Variants in SMG1 observed in about 807,000 individuals in gnomAD.
SMG1 encodes the protein SMG1 nonsense mediated mRNA decay associated PI3K related kinase.
Under a neutral mutation model 419.9 loss-of-function variants are expected in SMG1, and 22 were observed. The ratio of observed to expected loss-of-function variants is 0.05; its 90% confidence interval spans 0.04 to 0.07. The LOEUF is 0.07. SMG1 is among the 10% of genes least tolerant of loss of function. The pLI is 1.00. For synonymous variants in SMG1, 1,538 were observed against 1,553.5 expected (o/e 0.99, Z 0.23); for missense variants, 3,185 against 4,342.0 (o/e 0.73, Z 7.49).
Position 18,834,260 on chromosome 16 carries a change from G to T in SMG1, c.8509C>A (p.Pro2837Thr), listed in dbSNP as rs752705587. The stretch of plus-strand genomic sequence containing the variant: ...TGAACTGTCTCAGACGCTTCCATGG[G>T]GTTCGGGATATCTAAGTCCTGTGGC... Reference protein sequence around the residue: ...LVPQDLDIPNPMEASETVHLA... With the variant: ...LVPQDLDIPNTMEASETVHLA... The change falls in exon 50 of 63, where the codon CCC becomes ACC. Residue 2837 changes from proline (P) to threonine (T), a missense_variant. Around this residue, in one of 27 missense-constraint regions of SMG1, gnomAD observed 412 missense variants for 546.6 expected, o/e 0.75. Coordinates refer to ENST00000446231, the MANE Select transcript of SMG1 (RefSeq NM_015092.5). 6.2e-7 allele frequency: 1 copy of T among 1,610,232 alleles called. No homozygotes were observed. The highest frequency in any genetic ancestry group is 1.7e-5 in the Admixed American group (1 of 59,414).
chr16:18,863,581 T>C (rs2035323854), intron 25 of SMG1, 69 bp downstream of exon 25: 2 of 1,380,158 alleles, frequency 1.4e-6, no homozygotes, highest in East Asian at 4.6e-5. Flanking sequence ...ATTTTAATAT[T>C]TTCTTGCCAT....
intron 56 of SMG1, 96 bp from the exon 57 acceptor site, chr16:18,817,566 T>C: frequency 2.0e-6 from 2 of 1,018,298 alleles, no homozygotes; most frequent in East Asian, 2.6e-5. Context: ...CTTCCTCATT[T>C]TGAGAATTCA....
In SMG1 at chr16:18,891,994, G is replaced by T. The variant is rs557012534; in HGVS notation, c.549+224C>A. On this transcript the variant is annotated intron_variant, in intron 4 of 62. Transcript: ENST00000446231. ...CAGTGGGAGGATAGCTTGAATCCAG[G>T]AGTTTGAGACTGCAGTGAGCTATGA... Among the ~76,000 whole-genome samples, 6 of 152,276 alleles carry T rather than the reference G, an allele frequency of 3.9e-5. No individual in the cohort carries two copies. In the South Asian group the frequency reaches 1.2e-3, roughly 32 times the overall value.
chr16:18,834,489 A>G, intron 49 of SMG1, 51 bp from the exon 50 acceptor site: 1 of 1,535,434 alleles, frequency 6.5e-7, no homozygotes, highest in Non-Finnish European at 8.9e-7. Flanking sequence ...TAAACAAAAC[A>G]AGGTAACTGG....
intron 29 of SMG1, chr16:18,856,932 C>G (rs1049424225): frequency 3.3e-5 from 5 of 151,574 alleles, no homozygotes; most frequent in Non-Finnish European, 2.9e-5. Context: ...TTATATGACA[C>G]GCTCTGTGCT....
intron 1 of SMG1, among the ~76,000 whole-genome samples, chr16:18,919,106 C>A (rs2038086570): frequency 6.6e-6 from 1 of 152,094 alleles, no homozygotes; most frequent in African/African-American, 2.4e-5. Context: ...ACAGGCATAT[C>A]ACTTGAGGTC....
intron 49 of SMG1, 57 bp from the exon 50 acceptor site, chr16:18,834,495 A>G: frequency 2.6e-6 from 4 of 1,509,924 alleles, no homozygotes; most frequent in South Asian, 1.2e-5. Flanking sequence ...AAACAAGGTA[A>G]CTGGCCGGGT....
intron 60 of SMG1, among the ~76,000 whole-genome samples, chr16:18,812,615 C>CACATATATAT (rs1354777235): frequency 1.4e-5 from 1 of 73,078 alleles, no homozygotes; most frequent in African/African-American, 4.6e-5. Context: ...TATATACATA[C>CACATATATAT]ACACATATAT....
At position 18,872,443 on chromosome 16, in the gene SMG1, A is replaced by T. The variant is rs1028537513; in HGVS notation, c.2021+51T>A. The T allele has an allele frequency of 2.6e-3, 3,786 of 1,446,262 alleles. 10 individuals are homozygous for T. Among genetic ancestry groups the T allele is most frequent in the Non-Finnish European group, 3.1e-3 (3,443 of 1,104,988 alleles). The allele number at this position is 1,446,262 out of a possible 1,614,324, so 89.6% of individuals were successfully genotyped here. On this transcript the variant is annotated intron_variant, in intron 14 of 62. Coordinates refer to ENST00000446231, the MANE Select transcript of SMG1 (RefSeq NM_015092.5). Reference sequence around the variant, plus strand: ...ATACATCTTTAAAATCTATCCATTAAAAAAAAAAATGTTTTGTGGGGTTCT... The same window carrying T: ...ATACATCTTTAAAATCTATCCATTATAAAAAAAAATGTTTTGTGGGGTTCT...
At chr16:18,867,515 C>T (rs1408468527) in intron 22 of SMG1, among the ~76,000 whole-genome samples, 1 of 146,060 alleles carries the variant, frequency 6.8e-6, no homozygotes, top group East Asian at 2.0e-4. Flanking sequence ...CAAAGTGAAA[C>T]TGTGTCTCAA....
At chr16:18,914,772 T>C (rs979897478) in intron 1 of SMG1, among the ~76,000 whole-genome samples, 2 of 152,122 alleles carry the variant, frequency 1.3e-5, no homozygotes, top group African/African-American at 4.8e-5. Context: ...GGCATTCTAA[T>C]GGGATGCCAG....
intron 47 of SMG1, 23 bp downstream of exon 47, chr16:18,836,337 A>T (rs756163384): frequency 6.2e-7 from 1 of 1,608,218 alleles, no homozygotes; most frequent in East Asian, 2.2e-5. Flanking sequence ...TCACATGTGA[A>T]TCTAAAATAA....
intron 2 of SMG1, 115 bp downstream of exon 2, chr16:18,896,677 TA>T (rs2037141322): frequency 1.5e-6 from 1 of 677,804 alleles, no homozygotes. Context: ...CTGCATTTGT[TA>T]TTCATATTTT....
chr16:18,809,388 C>G lies in SMG1; in HGVS notation c.*181G>C. ...TTGCAGGCCATGGTGTTGGGCGTAT[C>G]CCTGAGTGCAGCTGTCCTGCGGGAT... On this transcript the variant is annotated 3_prime_UTR_variant, in exon 63 of 63. Coordinates refer to ENST00000446231, the MANE Select transcript of SMG1 (RefSeq NM_015092.5). 1 of 599,638 alleles carries G rather than the reference C, an allele frequency of 1.7e-6. No individual in the cohort carries two copies. Among genetic ancestry groups the G allele is most frequent in the Non-Finnish European group, 3.1e-6 (1 of 324,990 alleles). The allele number at this position is 599,638 out of a possible 1,614,324, so 37.1% of individuals were successfully genotyped here.
chr16:18,853,383 C>G (rs2034707212), intron 31 of SMG1, among the ~76,000 whole-genome samples, 200 bp downstream of exon 31: 2 of 152,138 alleles, frequency 1.3e-5, no homozygotes, highest in Non-Finnish European at 2.9e-5. Context: ...AAGCAAATAC[C>G]TGGGGGCAGA....
In SMG1 at chr16:18,847,647, T is replaced by C. The variant is rs766326091; in HGVS notation, c.5842-40A>G. The C allele has an allele frequency of 6.2e-6, 10 of 1,612,526 alleles. No homozygotes were observed. The Admixed American group carries it at 1.5e-4, about 24-fold the overall frequency. ...CACCCAAATAGCTCATCTACAAGCC[T>C]ATGCACAGCACAGCTCTTCAAACAC... On this transcript the variant is annotated intron_variant, in intron 37 of 62. Transcript: ENST00000446231.
intron 49 of SMG1, 65 bp from the exon 50 acceptor site, chr16:18,834,503 G>A: frequency 6.9e-7 from 1 of 1,445,510 alleles, no homozygotes; most frequent in Non-Finnish European, 9.4e-7. Flanking sequence ...TAACTGGCCG[G>A]GTCAAGGCCA....
Position 18,854,758 on chromosome 16 carries a change from C to A in SMG1, c.4381G>T (p.Asp1461Tyr). The A allele has an allele frequency of 6.2e-7, 1 of 1,613,984 alleles. No individual in the cohort carries two copies. Among genetic ancestry groups the A allele is most frequent in the Admixed American group, 1.7e-5 (1 of 60,020 alleles). Residue 1461 changes from aspartate to tyrosine, a missense_variant, in exon 30 of 63, where the codon GAT becomes TAT. Coordinates refer to ENST00000446231, the MANE Select transcript of SMG1 (RefSeq NM_015092.5). ...VQLGKTTTAQ[D>Y]LVQHFKKLST... ...AGTTTTTTAAAATGTTGGACTAAAT[C>A]CTGTGCAGTGGTGGTCTTTCCCAGC...
At chr16:18,873,018 G>A (rs568210054) in intron 13 of SMG1, among the ~76,000 whole-genome samples, 51 of 152,108 alleles carry the variant, frequency 3.4e-4, no homozygotes, top group African/African-American at 1.0e-3. Context: ...GCTGGGCATG[G>A]TGGCATACAC....
Sources: gnomAD v4.1 joint callset for allele counts (sites outside exome capture counted in the v4.1 genomes callset) on GRCh38, gnomAD v4.1.1 for gene constraint, gnomAD v4.1.1 regional missense constraint, MANE v1.5 for transcripts, NCBI Gene and HGNC (gene_info 2026-07-23, HGNC 2026-07-21) for gene names.